Variants in MCU observed in about 807,000 individuals in gnomAD.
MCU encodes the protein mitochondrial calcium uniporter.
A neutral mutation model predicts 45.2 loss-of-function variants in MCU; 12 were observed. That is an observed-to-expected ratio of 0.27 (90% confidence interval 0.17 to 0.43). The LOEUF (loss-of-function observed/expected upper bound fraction) is 0.43. Among genes scored for constraint, MCU ranks in the 20% least tolerant of loss-of-function variants. The pLI is 1.00. For synonymous variants in MCU, 160 were observed against 165.1 expected (o/e 0.97, Z 0.24); for missense variants, 324 against 436.7 (o/e 0.74, Z 2.30).
intron 1 of MCU, among the ~76,000 whole-genome samples, chr10:72,833,835 C>T (rs1031451395): frequency 6.6e-6 from 1 of 152,128 alleles, no homozygotes; most frequent in South Asian, 2.1e-4. Flanking sequence ...ATTAAGGACT[C>T]AACTAGTGAG....
intron 1 of MCU, chr10:72,756,361 G>A (rs1210877639): frequency 1.3e-5 from 2 of 152,152 alleles, no homozygotes. Context: ...ACCATGTTGT[G>A]TTATCAATCT....
chr10:72,882,651 A>G (rs1845722302), intron 6 of MCU, among the ~76,000 whole-genome samples: 1 of 152,162 alleles, frequency 6.6e-6, no homozygotes, highest in Non-Finnish European at 1.5e-5. Context: ...TCCTGATAAG[A>G]TGTTATCAAT....
chr10:72,714,010 A>C (rs1842926522), intron 1 of MCU, among the ~76,000 whole-genome samples: 1 of 147,866 alleles, frequency 6.8e-6, no homozygotes, highest in South Asian at 2.1e-4. Flanking sequence ...TTTGTCGTCC[A>C]GCCTGGAGTG....
intron 2 of MCU, among the ~76,000 whole-genome samples, chr10:72,843,299 A>G (rs991217243): frequency 1.3e-5 from 2 of 152,150 alleles, no homozygotes; most frequent in African/African-American, 4.8e-5. Flanking sequence ...TCTGTGCTCT[A>G]TCTATTCATG....
intron 2 of MCU, among the ~76,000 whole-genome samples, chr10:72,843,746 A>G (rs1164683525): frequency 2.0e-5 from 3 of 152,166 alleles, no homozygotes; most frequent in African/African-American, 7.2e-5. Flanking sequence ...ACTATTTTGT[A>G]TTCCGAACAG....
At chr10:72,704,127 C>T (rs1842790151) in intron 1 of MCU, among the ~76,000 whole-genome samples, 1 of 152,084 alleles carries the variant, frequency 6.6e-6, no homozygotes, top group African/African-American at 2.4e-5. Flanking sequence ...GTAACGCTGG[C>T]AGCAGTATGA....
chr10:72,761,920 A>G (rs1283892394), intron 1 of MCU, among the ~76,000 whole-genome samples: 1 of 152,138 alleles, frequency 6.6e-6, no homozygotes, highest in African/African-American at 2.4e-5. Flanking sequence ...CCCACTTGTA[A>G]GTGAGAAGAT....
chr10:72,785,591 T>G (rs898834745), intron 1 of MCU, among the ~76,000 whole-genome samples: 34 of 152,210 alleles, frequency 2.2e-4, no homozygotes, highest in African/African-American at 8.0e-4. Flanking sequence ...GTGTGTTGGC[T>G]CATAGTCCAG....
intron 1 of MCU, among the ~76,000 whole-genome samples, chr10:72,763,749 G>A (rs1843687388): frequency 6.6e-6 from 1 of 151,984 alleles, no homozygotes; most frequent in Admixed American, 6.6e-5. Context: ...ATAGGCTGGC[G>A]GTAAAGAGAC....
chr10:72,805,956 G>C (rs1844441813), intron 1 of MCU, among the ~76,000 whole-genome samples: 1 of 152,148 alleles, frequency 6.6e-6, no homozygotes, highest in Non-Finnish European at 1.5e-5. Flanking sequence ...CTGCAGAAAT[G>C]AGTAGGCATT....
At chr10:72,779,017 T>C (rs1273086173) in intron 1 of MCU, among the ~76,000 whole-genome samples, 1 of 152,188 alleles carries the variant, frequency 6.6e-6, no homozygotes, top group East Asian at 1.9e-4. Flanking sequence ...GTTGCTGGGT[T>C]GGAGTGCTGT....
intron 1 of MCU, among the ~76,000 whole-genome samples, chr10:72,700,548 T>G (rs1842747056): frequency 6.6e-6 from 1 of 152,212 alleles, no homozygotes; most frequent in African/African-American, 2.4e-5. Flanking sequence ...AAAGTTGGCT[T>G]CAAGCAAATT....
intron 1 of MCU, among the ~76,000 whole-genome samples, chr10:72,746,565 C>A (rs1431271949): frequency 6.6e-6 from 1 of 151,842 alleles, no homozygotes. Flanking sequence ...TTCAGGCCTT[C>A]TTCTGGTTCT....
At chr10:72,731,822 G>A (rs1365372286) in intron 1 of MCU, among the ~76,000 whole-genome samples, 1 of 152,090 alleles carries the variant, frequency 6.6e-6, no homozygotes, top group Non-Finnish European at 1.5e-5. Flanking sequence ...CAATAATGAT[G>A]GATATAAACA....
At chr10:72,693,091 T>G (rs561310773) in intron 1 of MCU, 1 of 1,535,488 alleles carries the variant, frequency 6.5e-7, no homozygotes, top group East Asian at 2.4e-5. Context: ...GAGGCAGAGA[T>G]TTGGTGGTTG....
chr10:72,868,405 C>T (rs1845490483), intron 4 of MCU, among the ~76,000 whole-genome samples: 1 of 151,920 alleles, frequency 6.6e-6, no homozygotes, highest in African/African-American at 2.4e-5. Context: ...AAAAATTAGC[C>T]AGGCTTGTGG....
intron 1 of MCU, among the ~76,000 whole-genome samples, chr10:72,752,694 A>G (rs1032113901): frequency 6.6e-6 from 1 of 152,210 alleles, no homozygotes; most frequent in Non-Finnish European, 1.5e-5. Context: ...ATTTAGTTAC[A>G]GAACTGGAGA....
At chr10:72,805,104 T>TTTCC (rs1844415591) in intron 1 of MCU, among the ~76,000 whole-genome samples, 1 of 92,696 alleles carries the variant, frequency 1.1e-5, no homozygotes, top group African/African-American at 4.9e-5. Context: ...TTTCTTTCTC[T>TTTCC]TTCTTTCTTT....
intron 3 of MCU, 169 bp from the exon 4 acceptor site, chr10:72,860,254 A>T (rs1448208114): frequency 4.3e-5 from 25 of 587,944 alleles, no homozygotes; most frequent in Non-Finnish European, 6.9e-5. Context: ...TTGAGTCCTA[A>T]AAACAGAGCT....
Sources: gnomAD v4.1 joint callset for allele counts (sites outside exome capture counted in the v4.1 genomes callset) on GRCh38, gnomAD v4.1.1 for gene constraint, MANE v1.5 for transcripts, NCBI Gene and HGNC (gene_info 2026-07-23, HGNC 2026-07-21) for gene names.